HTR1F: variants seen among roughly 807,000 people sequenced by gnomAD.
The protein encoded by HTR1F is 5-hydroxytryptamine receptor 1F.
Under a neutral mutation model 24.0 loss-of-function variants are expected in HTR1F, and 17 were observed. That is an observed-to-expected ratio of 0.71 (90% CI 0.48 to 1.06). The LOEUF is 1.06. Among genes scored for constraint, HTR1F ranks in the 50% least tolerant of loss-of-function variants. The pLI is 0.00. For synonymous variants in HTR1F, 186 were observed against 156.8 expected (o/e 1.19, Z -1.39); for missense variants, 391 against 427.8 (o/e 0.91, Z 0.76).
At chr3:87,921,961 C>T (rs1036367690) in intron 2 of HTR1F, among the ~76,000 whole-genome samples, 1 of 151,964 alleles carries the variant, frequency 6.6e-6, no homozygotes, top group African/African-American at 2.4e-5. Flanking sequence ...TCCATCTTTG[C>T]TGTTGTGAAT....
intron 2 of HTR1F, among the ~76,000 whole-genome samples, chr3:87,891,897 T>C (rs554699022): frequency 9.8e-5 from 15 of 152,336 alleles, no homozygotes; most frequent in African/African-American, 3.6e-4. Context: ...CTCTGACTAC[T>C]GTACAATGCC....
At chr3:87,825,995 G>A (rs1225335388) in intron 2 of HTR1F, among the ~76,000 whole-genome samples, 1 of 152,100 alleles carries the variant, frequency 6.6e-6, no homozygotes, top group African/African-American at 2.4e-5. Flanking sequence ...ATATTTCATA[G>A]GATTGTTGTG....
At chr3:87,825,607 G>A (rs1300426786) in intron 2 of HTR1F, among the ~76,000 whole-genome samples, 2 of 150,788 alleles carry the variant, frequency 1.3e-5, no homozygotes, top group African/African-American at 5.0e-5. Context: ...AAATATTTCT[G>A]GGATTTATGC....
At chr3:87,869,441 A>ATGC (rs1705505448) in intron 2 of HTR1F, among the ~76,000 whole-genome samples, 1 of 131,416 alleles carries the variant, frequency 7.6e-6, no homozygotes, top group African/African-American at 3.6e-5. Context: ...AGATACATAG[A>ATGC]TAGATAGATA....
intron 2 of HTR1F, among the ~76,000 whole-genome samples, chr3:87,837,061 CT>C (rs1408228291): frequency 2.0e-5 from 3 of 152,098 alleles, no homozygotes; most frequent in South Asian, 4.1e-4. Context: ...TTCAGAAGGA[CT>C]TTTTTCCTTA....
intron 2 of HTR1F, among the ~76,000 whole-genome samples, chr3:87,896,064 T>C (rs985654472): frequency 7.2e-5 from 11 of 152,214 alleles, no homozygotes; most frequent in African/African-American, 2.7e-4. Context: ...TTGTGAATCA[T>C]TGATTTCCCC....
chr3:87,878,559 A>G (rs1208642106), intron 2 of HTR1F, among the ~76,000 whole-genome samples: 1 of 152,162 alleles, frequency 6.6e-6, no homozygotes, highest in Non-Finnish European at 1.5e-5. Context: ...CTTTCAAAAA[A>G]TGCCCATCGT....
At chr3:87,812,291 T>C (rs1438182248) in intron 1 of HTR1F, among the ~76,000 whole-genome samples, 2 of 152,190 alleles carry the variant, frequency 1.3e-5, no homozygotes, top group Non-Finnish European at 2.9e-5. Flanking sequence ...ATTTAATGGT[T>C]TTGACCAACA....
At chr3:87,894,403 C>T (rs1460887477) in intron 2 of HTR1F, among the ~76,000 whole-genome samples, 11 of 151,768 alleles carry the variant, frequency 7.2e-5, no homozygotes, top group African/African-American at 1.5e-4. Flanking sequence ...ATTATGGGCA[C>T]GCACCACCAT....
At chr3:87,926,242 A>T (rs1372663307) in intron 2 of HTR1F, among the ~76,000 whole-genome samples, 2 of 152,186 alleles carry the variant, frequency 1.3e-5, no homozygotes, top group African/African-American at 4.8e-5. Context: ...CACTCACTGC[A>T]GTTCATTCAG....
intron 2 of HTR1F, among the ~76,000 whole-genome samples, chr3:87,978,891 A>AGGTAGGAC (rs1250489211): frequency 5.0e-5 from 1 of 19,950 alleles, no homozygotes; most frequent in Non-Finnish European, 1.3e-4. Flanking sequence ...GGAGGGAGGG[A>AGGTAGGAC]GGAAGGAAGG....
In HTR1F at chr3:87,992,318, C is replaced by T. The variant is rs1705856180; in HGVS notation, c.*468C>T. 6.0e-6 allele frequency: 1 copy of T among 167,050 alleles called. No homozygotes were observed. Among genetic ancestry groups the T allele is most frequent in the African/African-American group, 2.4e-5 (1 of 41,406 alleles). 10.3% of individuals were successfully genotyped at this position (167,050 alleles called of 1,614,324 possible). On this transcript the variant is annotated 3_prime_UTR_variant, in exon 3 of 3. Coordinates refer to ENST00000319595, the MANE Select transcript of HTR1F (RefSeq NM_001322209.2). Reference sequence around the variant, plus strand: ...ACATTTCTCCTGTCTCCATTCTTGTCCCTTCTCCATCTTACCCTGAGCAAA... The same window carrying T: ...ACATTTCTCCTGTCTCCATTCTTGTTCCTTCTCCATCTTACCCTGAGCAAA...
chr3:87,914,459 A>G (rs1703847798), intron 2 of HTR1F, among the ~76,000 whole-genome samples: 1 of 152,016 alleles, frequency 6.6e-6, no homozygotes, highest in Admixed American at 6.6e-5. Flanking sequence ...AAGTTCTCAA[A>G]CCCTGCTCAC....
At chr3:87,955,175 C>A (rs1243179083) in intron 2 of HTR1F, among the ~76,000 whole-genome samples, 6 of 151,406 alleles carry the variant, frequency 4.0e-5, no homozygotes, top group South Asian at 4.1e-4. Flanking sequence ...TTCAAACCAC[C>A]TTTAAGAGAC....
intron 2 of HTR1F, among the ~76,000 whole-genome samples, chr3:87,918,834 A>C (rs1396223583): frequency 6.6e-6 from 1 of 152,120 alleles, no homozygotes; most frequent in Admixed American, 6.6e-5. Context: ...AGTCTCCATC[A>C]GAATACCACC....
chr3:87,894,624 A>C (rs527700469), intron 2 of HTR1F, among the ~76,000 whole-genome samples: 1 of 125,544 alleles, frequency 8.0e-6, no homozygotes, highest in Non-Finnish European at 1.6e-5. Flanking sequence ...TGGAGTGCCC[A>C]GCCTCATTTT....
chr3:87,986,795 C>T (rs1705670784), intron 2 of HTR1F, among the ~76,000 whole-genome samples: 1 of 152,046 alleles, frequency 6.6e-6, no homozygotes, highest in Admixed American at 6.6e-5. Flanking sequence ...TAAATGAATT[C>T]CCATAACACT....
At chr3:87,855,617 C>T (rs1213128871) in intron 2 of HTR1F, among the ~76,000 whole-genome samples, 1 of 152,046 alleles carries the variant, frequency 6.6e-6, no homozygotes, top group Non-Finnish European at 1.5e-5. Context: ...ATTACTTATA[C>T]AGTTGTTCTG....
At chr3:87,811,264 G>T (rs1425588627) in intron 1 of HTR1F, among the ~76,000 whole-genome samples, 2 of 143,218 alleles carry the variant, frequency 1.4e-5, no homozygotes, top group Non-Finnish European at 3.0e-5. Context: ...GTCATTCAGT[G>T]GAATTCTATT....
Sources: allele counts gnomAD v4.1 joint callset (sites outside exome capture counted in the v4.1 genomes callset), GRCh38; gene constraint gnomAD v4.1.1; transcripts MANE v1.5; gene names NCBI Gene and HGNC (gene_info 2026-07-23, HGNC 2026-07-21).